NRP2: variants seen among roughly 807,000 people sequenced by gnomAD.
NRP2 encodes the protein neuropilin 2.
NRP2 carries 52 observed loss-of-function variants against 110.4 expected under a neutral mutation model. The observed-to-expected ratio is 0.47, with a 90% CI of 0.38 to 0.59. The LOEUF is 0.59. Ranked by LOEUF, NRP2 falls within the 20% of genes least tolerant of loss-of-function variation. The pLI, the probability that NRP2 is intolerant of heterozygous loss-of-function variation, is 0.00. For missense variants in NRP2, 1,049 were observed against 1,203.0 expected, an observed-to-expected ratio of 0.87 and a Z score of 1.89; for synonymous variants, 508 against 468.9, an observed-to-expected ratio of 1.08 and a Z score of -1.08.
intron 15 of NRP2, among the ~76,000 whole-genome samples, chr2:205,789,605 C>T (rs2058275358): frequency 6.6e-6 from 1 of 152,228 alleles, no homozygotes; most frequent in Non-Finnish European, 1.5e-5. Flanking sequence ...TTCCAGGGAG[C>T]TGTGGCCTCT....
intron 7 of NRP2, among the ~76,000 whole-genome samples, chr2:205,728,824 G>T (rs1367614804): frequency 6.6e-6 from 1 of 152,254 alleles, no homozygotes; most frequent in Non-Finnish European, 1.5e-5. Context: ...TAGGATTGGG[G>T]TATCTGTGAT....
chr2:205,720,143 C>T (rs990355467), intron 3 of NRP2, among the ~76,000 whole-genome samples: 1 of 152,178 alleles, frequency 6.6e-6, no homozygotes, highest in Non-Finnish European at 1.5e-5. Context: ...TGTTAACAGA[C>T]AGGTTTTATT....
At chr2:205,785,855 G>A (rs2058230448) in intron 15 of NRP2, among the ~76,000 whole-genome samples, 1 of 152,136 alleles carries the variant, frequency 6.6e-6, no homozygotes, top group Admixed American at 6.5e-5. Context: ...GAAACGAATG[G>A]CTAAATTCAA....
rs759206542 is a variant in NRP2 at position 205,697,656 on chromosome 2, C to T, written c.186C>T (p.Pro62=). The change falls in exon 2 of 17, where the codon CCC becomes CCT. Residue 62 remains proline (P), a synonymous_variant. Transcript: ENST00000357785. ...ACTGCGAGTGGATTGTTTACGCCCC[C>T]GAACCCAACCAGAAGATTGTCCTCA... ...HQNCEWIVYA[P]EPNQKIVLNF... 3.1e-5 allele frequency: 50 copies of T among 1,614,020 alleles called. No individual in the cohort carries two copies. The highest frequency in any genetic ancestry group is 1.6e-4 in the Middle Eastern group (1 of 6,062).
At chr2:205,695,247 A>G (rs1341314948) in intron 1 of NRP2, among the ~76,000 whole-genome samples, 1 of 152,250 alleles carries the variant, frequency 6.6e-6, no homozygotes, top group Non-Finnish European at 1.5e-5. Flanking sequence ...TTGGTTTAAC[A>G]GCAGACAGTA....
chr2:205,716,159 G>A, intron 2 of NRP2, 34 bp from the exon 3 acceptor site: 16 of 1,610,510 alleles, frequency 9.9e-6, no homozygotes, highest in Non-Finnish European at 1.2e-5. Flanking sequence ...TGTCCTTCGA[G>A]TGATCTTTTC....
intron 15 of NRP2, among the ~76,000 whole-genome samples, chr2:205,791,546 A>G (rs1020874789): frequency 6.6e-6 from 1 of 152,244 alleles, no homozygotes; most frequent in Non-Finnish European, 1.5e-5. Context: ...AAAAAGATAG[A>G]CAGTGATAAT....
intron 3 of NRP2, 192 bp from the exon 4 acceptor site, chr2:205,722,286 A>G (rs767199513): frequency 1.6e-6 from 1 of 628,992 alleles, no homozygotes; most frequent in South Asian, 1.8e-5. Context: ...AGAGCAAGCC[A>G]GCTGTGCCTC....
chr2:205,778,706 T>C lies in NRP2; in HGVS notation c.2425+11903T>C, dbSNP rs184048479. ...TGTAGTGACCAGCTGAGTTACCATA[T>C]ACCCTGATGATTCCCCTTCTGTAAC... On this transcript the variant is annotated intron_variant, in intron 15 of 16. Coordinates refer to ENST00000357785, the MANE Select transcript of NRP2 (RefSeq NM_003872.3). 2.6e-5 allele frequency: 4 copies of C among 152,340 alleles called. No individual in the cohort carries two copies. In the East Asian group the frequency reaches 7.7e-4, roughly 29 times the overall value. 9.4% of individuals were successfully genotyped at this position (152,340 alleles called of 1,614,324 possible).
intron 15 of NRP2, among the ~76,000 whole-genome samples, chr2:205,789,384 C>A (rs960883844): frequency 1.3e-5 from 2 of 152,168 alleles, no homozygotes; most frequent in African/African-American, 4.8e-5. Flanking sequence ...GACCTGCATT[C>A]TTCTAGAGGT....
intron 14 of NRP2, among the ~76,000 whole-genome samples, chr2:205,766,449 AG>A (rs554380309): frequency 2.0e-3 from 311 of 152,344 alleles, no homozygotes; most frequent in African/African-American, 7.1e-3. Flanking sequence ...GGCAACTCTC[AG>A]GCCCCAGGCA....
chr2:205,694,762 A>C (rs528939557), intron 1 of NRP2, among the ~76,000 whole-genome samples: 2 of 152,348 alleles, frequency 1.3e-5, no homozygotes, highest in African/African-American at 4.8e-5. Flanking sequence ...ACATGTTTGT[A>C]TTTAGGAAAT....
chr2:205,789,631 C>G (rs993187665), intron 15 of NRP2, among the ~76,000 whole-genome samples: 47 of 152,206 alleles, frequency 3.1e-4, no homozygotes, highest in Admixed American at 2.7e-3. Flanking sequence ...CTGCCTTGGG[C>G]TCCTAGCTCA....
chr2:205,738,262 G>A (rs1200736055), intron 7 of NRP2, among the ~76,000 whole-genome samples: 1 of 152,068 alleles, frequency 6.6e-6, no homozygotes, highest in Non-Finnish European at 1.5e-5. Flanking sequence ...TCTCCTGATG[G>A]CGACCACACA....
At chr2:205,705,074 T>C (rs181222924) in intron 2 of NRP2, among the ~76,000 whole-genome samples, 182 of 152,342 alleles carry the variant, frequency 1.2e-3, no homozygotes, top group Non-Finnish European at 2.2e-3. Context: ...ATTTATATTC[T>C]TTTTGTTTTG....
At chr2:205,724,733 C>G (rs2057093941) in intron 5 of NRP2, among the ~76,000 whole-genome samples, 1 of 139,470 alleles carries the variant, frequency 7.2e-6, no homozygotes, top group South Asian at 2.4e-4. Flanking sequence ...CTCAATCTCA[C>G]TCTTCCCAGT....
Position 205,775,615 on chromosome 2 carries a change from G to T in NRP2, c.2425+8812G>T, listed in dbSNP as rs545112938. Among the ~76,000 whole-genome samples, 6 of 152,302 alleles carry T rather than the reference G, an allele frequency of 3.9e-5. No individual in the cohort carries two copies. The South Asian group carries it at 1.0e-3, about 26-fold the overall frequency. ...TAACAGTGGTGATTGACCTGTCTAG[G>T]CAAGACCAGGCTAATTTCAATGGGC... On this transcript the variant is annotated intron_variant, in intron 15 of 16. Transcript: ENST00000357785.
At chr2:205,743,650 G>A (rs1001888706) in intron 9 of NRP2, 98 bp downstream of exon 9, 30 of 1,519,922 alleles carry the variant, frequency 2.0e-5, no homozygotes, top group Admixed American at 4.2e-5. Flanking sequence ...CTAAACAGTC[G>A]TCATCCAACT....
At chr2:205,710,537 G>A (rs984335375) in intron 2 of NRP2, among the ~76,000 whole-genome samples, 1 of 152,240 alleles carries the variant, frequency 6.6e-6, no homozygotes, top group Non-Finnish European at 1.5e-5. Context: ...TCAAGGAAAT[G>A]AAATTTACTT....
Sources: allele counts gnomAD v4.1 joint callset (sites outside exome capture counted in the v4.1 genomes callset), GRCh38; gene constraint gnomAD v4.1.1; transcripts MANE v1.5; gene names NCBI Gene and HGNC (gene_info 2026-07-23, HGNC 2026-07-21).